PTPRC: variants seen among roughly 807,000 people sequenced by gnomAD.
PTPRC encodes the protein protein tyrosine phosphatase receptor type C.
Under a neutral mutation model 155.9 loss-of-function variants are expected in PTPRC, and 44 were observed. The ratio of observed to expected loss-of-function variants is 0.28; its 90% CI spans 0.22 to 0.36. The LOEUF is 0.36. PTPRC is among the 10% of genes least tolerant of loss of function. The pLI, the probability that PTPRC is intolerant of heterozygous loss-of-function variation, is 1.00. For synonymous variants in PTPRC, 525 were observed against 533.1 expected, an observed-to-expected ratio of 0.98 and a Z score of 0.21; for missense variants, 1,401 against 1,564.6, an observed-to-expected ratio of 0.90 and a Z score of 1.76.
intron 15 of PTPRC, among the ~76,000 whole-genome samples, chr1:198,724,784 G>GTTTGT (rs1279271159): frequency 3.3e-5 from 5 of 150,982 alleles, no homozygotes; most frequent in Non-Finnish European, 5.9e-5. Context: ...TGAATTTTTT[G>GTTTGT]TTTGTTTTGT....
intron 2 of PTPRC, among the ~76,000 whole-genome samples, chr1:198,651,718 T>A (rs542664012): frequency 6.6e-6 from 1 of 152,032 alleles, no homozygotes; most frequent in Non-Finnish European, 1.5e-5. Flanking sequence ...ATAAGCAAAT[T>A]TGTTAATTTG....
intron 12 of PTPRC, among the ~76,000 whole-genome samples, chr1:198,714,465 A>G (rs2102432774): frequency 6.6e-6 from 1 of 152,258 alleles, no homozygotes; most frequent in East Asian, 1.9e-4. Flanking sequence ...GTGTTACCCA[A>G]ATTTAACAGC....
intron 2 of PTPRC, among the ~76,000 whole-genome samples, chr1:198,674,507 TAA>T (rs1491339539): frequency 6.7e-6 from 1 of 148,444 alleles, no homozygotes; most frequent in Non-Finnish European, 1.5e-5. Flanking sequence ...TAACATATAA[TAA>T]TATATATAGC....
In PTPRC at chr1:198,731,658, G is replaced by A. The variant is rs147240717; in HGVS notation, c.1906G>A (p.Asp636Asn). The change falls in exon 18 of 33, where the codon GAT becomes AAT. Residue 636 changes from aspartate (D) to asparagine (N), a missense_variant. Coordinates refer to ENST00000442510, the MANE Select transcript of PTPRC (RefSeq NM_002838.5). ...GATGAATGTGGAGCCAATCCATGCA[G>A]ATATTTTGTTGGAAACTTATAAGAG... ...QLMNVEPIHA[D>N]ILLETYKRKI... The A allele has an allele frequency of 5.6e-6, 9 of 1,611,610 alleles. No homozygotes were observed. Among genetic ancestry groups the A allele is most frequent in the East Asian group, 2.2e-5 (1 of 44,734 alleles).
chr1:198,722,473 T>C lies in PTPRC; in HGVS notation c.1717T>C (p.Ser573Pro). 1 of 1,455,666 alleles carries C rather than the reference T, an allele frequency of 6.9e-7. No homozygotes were observed. The allele number at this position is 1,455,666 out of a possible 1,614,324, so 90.2% of individuals were successfully genotyped here. ...GEPFILHHST[S>P]YNSKALIAFL... ...ACCCTTTATTTTACATCATTCAACA[T>C]CTTGTAAGTTATCACTGGGCTATTT... The change falls in exon 15 of 33, where the codon TCT becomes CCT. Residue 573 changes from serine to proline, a missense_variant. Around this residue, in one of 3 missense-constraint regions of PTPRC, gnomAD observed 867 missense variants for 970.4 expected, o/e 0.89. Coordinates refer to ENST00000442510, the MANE Select transcript of PTPRC (RefSeq NM_002838.5).
At position 198,731,612 on chromosome 1, in the gene PTPRC, T is replaced by C; in HGVS notation, c.1865-5T>C. 6.3e-7 allele frequency: 1 copy of C among 1,592,156 alleles called. No individual in the cohort carries two copies. The highest frequency in any genetic ancestry group is 2.2e-5 in the East Asian group (1 of 44,602). On this transcript the variant is annotated splice_polypyrimidine_tract_variant and splice_region_variant and intron_variant, in intron 17 of 32. Transcript: ENST00000442510. ...ACTAGTATTGAATCTTTAATATGTT[T>C]CCAGATGATGAAAAACAACTGATGA...
chr1:198,694,814 T>C, intron 3 of PTPRC: 4 of 957,330 alleles, frequency 4.2e-6, no homozygotes, highest in Non-Finnish European at 5.0e-6. Flanking sequence ...CTCCCTTTCT[T>C]TTATTCAATG....
At position 198,711,631 on chromosome 1, in the gene PTPRC, A is replaced by G. The variant is rs551878878; in HGVS notation, c.1172-1322A>G. Among the ~76,000 whole-genome samples the G allele has an allele frequency of 2.0e-4, 30 of 152,342 alleles. No individual in the cohort carries two copies. The South Asian group carries it at 3.9e-3, about 20-fold the overall frequency. On this transcript the variant is annotated intron_variant, in intron 11 of 32. Coordinates refer to ENST00000442510, the MANE Select transcript of PTPRC (RefSeq NM_002838.5). Reference sequence around the variant, plus strand: ...ACTTTTTTGATGAATTGGAGTGCATAAAAATTGAATATTCCTGCTCTTTGG... The same window carrying G: ...ACTTTTTTGATGAATTGGAGTGCATGAAAATTGAATATTCCTGCTCTTTGG...
At chr1:198,731,774 T>A in intron 18 of PTPRC, 48 bp downstream of exon 18, 1 of 1,406,506 alleles carries the variant, frequency 7.1e-7, no homozygotes, top group South Asian at 1.2e-5. Context: ...ATCAAGACAG[T>A]TCCACTTTAA....
At chr1:198,676,271 A>G (rs1664944714) in intron 2 of PTPRC, among the ~76,000 whole-genome samples, 1 of 152,230 alleles carries the variant, frequency 6.6e-6, no homozygotes, top group Non-Finnish European at 1.5e-5. Context: ...CATAAGCATT[A>G]GGTGTTCTTT....
chr1:198,668,992 C>T (rs1246427835), intron 2 of PTPRC, among the ~76,000 whole-genome samples: 1 of 152,088 alleles, frequency 6.6e-6, no homozygotes, highest in East Asian at 1.9e-4. Context: ...TAGGCTCAAA[C>T]ATTTGAAAGT....
intron 18 of PTPRC, 102 bp from the exon 19 acceptor site, chr1:198,732,198 A>G: frequency 1.1e-6 from 1 of 918,456 alleles, no homozygotes; most frequent in Non-Finnish European, 1.7e-6. Flanking sequence ...ATATGAAGAA[A>G]ATATTTTACA....
chr1:198,649,759 T>G lies in PTPRC; in HGVS notation c.73+10418T>G, dbSNP rs1443458900. Among the ~76,000 whole-genome samples the G allele has an allele frequency of 2.0e-5, 3 of 151,922 alleles. No individual in the cohort carries two copies. The East Asian group carries it at 5.8e-4, about 29-fold the overall frequency. ...AGCCCCTGCTAAGCTAAAAACTGTTTTAAGTGTTGACACAGTGGTAAAGAA... is the reference window on the plus strand; with the variant it reads ...AGCCCCTGCTAAGCTAAAAACTGTTGTAAGTGTTGACACAGTGGTAAAGAA... On this transcript the variant is annotated intron_variant, in intron 2 of 32. Coordinates refer to ENST00000442510, the MANE Select transcript of PTPRC (RefSeq NM_002838.5).
intron 29 of PTPRC, among the ~76,000 whole-genome samples, chr1:198,750,940 G>C (rs891144242): frequency 6.6e-6 from 1 of 151,926 alleles, no homozygotes; most frequent in African/African-American, 2.4e-5. Context: ...CAAGATAAAA[G>C]CCAAGATCTT....
At chr1:198,644,098 G>C (rs1662797913) in intron 2 of PTPRC, among the ~76,000 whole-genome samples, 1 of 151,850 alleles carries the variant, frequency 6.6e-6, no homozygotes, top group South Asian at 2.1e-4. Context: ...TGCAGAGAGA[G>C]AAATTTTTCA....
At chr1:198,743,173 C>T (rs1420841669) in intron 25 of PTPRC, among the ~76,000 whole-genome samples, 1 of 148,730 alleles carries the variant, frequency 6.7e-6, no homozygotes, top group Non-Finnish European at 1.5e-5. Context: ...GACATGTGAA[C>T]TCTCTGTACA....
chr1:198,682,726 T>C (rs757272929), intron 2 of PTPRC, among the ~76,000 whole-genome samples: 14 of 152,228 alleles, frequency 9.2e-5, no homozygotes, highest in Non-Finnish European at 1.8e-4. Flanking sequence ...CTACTATTTT[T>C]CCTTCCTTAA....
chr1:198,672,780 C>A (rs915712557), intron 2 of PTPRC, among the ~76,000 whole-genome samples: 10 of 152,160 alleles, frequency 6.6e-5, no homozygotes, highest in Middle Eastern at 3.4e-3. Context: ...CTGTGCCCAG[C>A]ACCATTTTAA....
At chr1:198,647,783 T>G (rs192688561) in intron 2 of PTPRC, among the ~76,000 whole-genome samples, 12 of 151,988 alleles carry the variant, frequency 7.9e-5, no homozygotes, top group Admixed American at 5.9e-4. Flanking sequence ...AACTTATTAG[T>G]TCATTTGATA....
Sources: allele counts gnomAD v4.1 joint callset (sites outside exome capture counted in the v4.1 genomes callset), GRCh38; gene constraint gnomAD v4.1.1; regional missense constraint gnomAD v4.1.1; transcripts MANE v1.5; gene names NCBI Gene and HGNC (gene_info 2026-07-23, HGNC 2026-07-21).